DENND4C: variants seen among roughly 807,000 people sequenced by gnomAD.
DENND4C encodes DENN domain containing 4C.
A neutral mutation model predicts 203.0 loss-of-function variants in DENND4C; 108 were observed. The ratio of observed to expected loss-of-function variants is 0.53; its 90% CI spans 0.46 to 0.62. The LOEUF is 0.62. Ranked by LOEUF, DENND4C falls within the 20% of genes least tolerant of loss-of-function variation. The pLI, the probability that DENND4C is intolerant of heterozygous loss-of-function variation, is 0.00. For missense variants in DENND4C, 2,481 were observed against 2,301.2 expected (o/e 1.08, Z -1.60); for synonymous variants, 871 against 792.4 (o/e 1.10, Z -1.67).
At chr9:19,265,122 C>G (rs1830222804) in intron 1 of DENND4C, among the ~76,000 whole-genome samples, 1 of 152,126 alleles carries the variant, frequency 6.6e-6, no homozygotes, top group African/African-American at 2.4e-5. Context: ...TCAGGAGATT[C>G]TCCCACCTCA....
intron 2 of DENND4C, among the ~76,000 whole-genome samples, chr9:19,280,730 A>T (rs1174533448): frequency 6.6e-6 from 1 of 150,972 alleles, no homozygotes; most frequent in Non-Finnish European, 1.5e-5. Flanking sequence ...TGTTTTTTTT[A>T]ATATATAAAA....
Position 19,373,360 on chromosome 9 carries a change from A to G in DENND4C, c.*1187A>G, listed in dbSNP as rs1829154363. 1 of 152,658 alleles carries G rather than the reference A, an allele frequency of 6.6e-6. No individual in the cohort carries two copies. The highest frequency in any genetic ancestry group is 2.4e-5 in the African/African-American group (1 of 41,470). The allele number at this position is 152,658 out of a possible 1,614,324, so 9.5% of individuals were successfully genotyped here. A position where few individuals can be genotyped will look rare whatever the true frequency, so the allele number is the denominator to read the frequency against. ...AATCAGCTGCCTAATAATTTATGGA[A>G]TTCATTGGAATGTGCTTAAAATGCT... On this transcript the variant is annotated 3_prime_UTR_variant, in exon 33 of 33. Transcript: ENST00000434457.
intron 1 of DENND4C, among the ~76,000 whole-genome samples, chr9:19,233,354 A>G (rs1379531888): frequency 6.6e-6 from 1 of 152,194 alleles, no homozygotes; most frequent in Non-Finnish European, 1.5e-5. Flanking sequence ...TTTATCAGCT[A>G]AAATTTGGGG....
At chr9:19,305,556 C>T (rs1839484743) in intron 10 of DENND4C, 29 bp downstream of exon 10, 6 of 1,582,700 alleles carry the variant, frequency 3.8e-6, no homozygotes, top group Non-Finnish European at 3.4e-6. Flanking sequence ...TATTATCTCC[C>T]ATTTATATTT....
At chr9:19,262,108 GAC>G (rs1829528268) in intron 1 of DENND4C, among the ~76,000 whole-genome samples, 1 of 52,972 alleles carries the variant, frequency 1.9e-5, no homozygotes, top group Non-Finnish European at 3.6e-5. Flanking sequence ...TTTTTTTTGA[GAC>G]AAGTCTTGTT....
chr9:19,353,609 CAGAG>C (rs963252457), intron 26 of DENND4C, among the ~76,000 whole-genome samples: 1 of 151,200 alleles, frequency 6.6e-6, no homozygotes, highest in Admixed American at 6.6e-5. Context: ...GTCTGGGTGA[CAGAG>C]AGAGACTCTG....
intron 1 of DENND4C, among the ~76,000 whole-genome samples, chr9:19,246,300 C>G (rs1030155992): frequency 2.0e-5 from 3 of 152,108 alleles, no homozygotes; most frequent in Non-Finnish European, 4.4e-5. Context: ...TACGCTAGCT[C>G]GTCTCACTTT....
intron 5 of DENND4C, among the ~76,000 whole-genome samples, chr9:19,293,422 A>G (rs559564766): frequency 1.3e-5 from 2 of 151,866 alleles, no homozygotes; most frequent in Admixed American, 6.6e-5. Flanking sequence ...ATACAGAAGT[A>G]AGGATTGATT....
chr9:19,322,752 TAAG>T (rs1329606173), intron 12 of DENND4C, among the ~76,000 whole-genome samples: 1 of 127,010 alleles, frequency 7.9e-6, no homozygotes, highest in Non-Finnish European at 1.7e-5. Context: ...AAAAAAAAAA[TAAG>T]GGGGCCAGTG....
chr9:19,361,732 A>T lies in DENND4C; in HGVS notation c.5407-114A>T, dbSNP rs992562513. 7.7e-5 allele frequency: 44 copies of T among 573,838 alleles called. No homozygotes were observed. In the African/African-American group the frequency reaches 8.1e-4, roughly 11 times the overall value. The allele number at this position is 573,838 out of a possible 1,614,324, so 35.5% of individuals were successfully genotyped here. A position where few individuals can be genotyped will look rare whatever the true frequency, so the allele number is the denominator to read the frequency against. On this transcript the variant is annotated intron_variant, in intron 29 of 32. Transcript: ENST00000434457. Reference sequence around the variant, plus strand: ...ATAAAAATTAAAATTTTGATTCTGAATTTTAGGTCCAGAATTTTAAAAGGA... The same window carrying T: ...ATAAAAATTAAAATTTTGATTCTGATTTTTAGGTCCAGAATTTTAAAAGGA...
Position 19,235,609 on chromosome 9 carries a change from C to CTTTT in DENND4C, c.-18+4792_-18+4795dup, listed in dbSNP as rs58031665. On this transcript the variant is annotated intron_variant, in intron 1 of 32. Coordinates refer to ENST00000434457, the MANE Select transcript of DENND4C (RefSeq NM_001330640.2). ...ATCTGTTGGTTTACAGAAGAGTCAT[C>CTTTT]TTTTTTTTTTTTTTTTTTTGAGACG... Among the ~76,000 whole-genome samples, 856 of 118,894 alleles carry CTTTT rather than the reference C, an allele frequency of 7.2e-3. 26 individuals are homozygous for CTTTT. Among genetic ancestry groups the CTTTT allele is most frequent in the Admixed American group, 0.013 (137 of 10,388 alleles). 78.0% of individuals were successfully genotyped at this position (118,894 alleles called of 152,430 possible). A position where few individuals can be genotyped will look rare whatever the true frequency, so the allele number is the denominator to read the frequency against.
At chr9:19,293,361 G>A (rs1263495457) in intron 5 of DENND4C, among the ~76,000 whole-genome samples, 1 of 152,178 alleles carries the variant, frequency 6.6e-6, no homozygotes, top group African/African-American at 2.4e-5. Flanking sequence ...GGAATATTGT[G>A]TGTATAAAGG....
At chr9:19,245,855 CAA>C (rs60726607) in intron 1 of DENND4C, among the ~76,000 whole-genome samples, 11,111 of 137,184 alleles carry the variant, frequency 0.081, 497 homozygotes, top group South Asian at 0.17. Context: ...GACTCCGTCT[CAA>C]AAAAAAAAAA....
chr9:19,276,166 G>A lies in DENND4C; in HGVS notation c.-9G>A, dbSNP rs1237453424. 8 of 1,231,028 alleles carry A rather than the reference G, an allele frequency of 6.5e-6. No individual in the cohort carries two copies. Among genetic ancestry groups the A allele is most frequent in the Non-Finnish European group, 7.1e-6 (7 of 987,126 alleles). The allele number at this position is 1,231,028 out of a possible 1,614,324, so 76.3% of individuals were successfully genotyped here. On this transcript the variant is annotated 5_prime_UTR_variant, in exon 2 of 33. Coordinates refer to ENST00000434457, the MANE Select transcript of DENND4C (RefSeq NM_001330640.2). ...TCCCCTCCCTCTTCTAGAAAATACA[G>A]TAGCAGCCATGATAGAAGACAAAGG...
At chr9:19,238,465 T>TC (rs1271017436) in intron 1 of DENND4C, among the ~76,000 whole-genome samples, 1 of 14,054 alleles carries the variant, frequency 7.1e-5, no homozygotes, top group African/African-American at 3.2e-4. Flanking sequence ...TCCCCTCCCC[T>TC]CCCTCTCCCC....
intron 10 of DENND4C, among the ~76,000 whole-genome samples, chr9:19,314,181 G>GC (rs1017024121): frequency 1.3e-5 from 2 of 152,128 alleles, no homozygotes; most frequent in African/African-American, 4.8e-5. Context: ...GAGGCCAGGC[G>GC]CAGTGGCTCA....
intron 1 of DENND4C, among the ~76,000 whole-genome samples, chr9:19,267,363 C>G (rs752807576): frequency 3.3e-5 from 5 of 152,144 alleles, no homozygotes; most frequent in Non-Finnish European, 7.4e-5. Context: ...TAATGACCTT[C>G]TTTGTCTCTT....
chr9:19,349,355 CCGAGATCACACCACTGCA>C (rs1273848250), intron 23 of DENND4C, among the ~76,000 whole-genome samples: 1 of 152,094 alleles, frequency 6.6e-6, no homozygotes, highest in Non-Finnish European at 1.5e-5. Context: ...TCGCAGTGAG[CCGAGATCACACCACTGCA>C]CTCCAGCCTG....
rs1171221213 is a variant in DENND4C, at chr9:19,374,237, G to A, written c.*2064G>A. The stretch of plus-strand genomic sequence containing the variant: ...TGAACTCAAGTTTTCACTTACTGAC[G>A]CGCTTCCCATTAAAAAAAATCTGTA... On this transcript the variant is annotated 3_prime_UTR_variant, in exon 33 of 33. Coordinates refer to ENST00000434457, the MANE Select transcript of DENND4C (RefSeq NM_001330640.2). Among the ~76,000 whole-genome samples, 2 of 151,076 alleles carry A rather than the reference G, an allele frequency of 1.3e-5. No individual in the cohort carries two copies. Among genetic ancestry groups the A allele is most frequent in the African/African-American group, 2.4e-5 (1 of 41,012 alleles).
Sources: allele counts gnomAD v4.1 joint callset (sites outside exome capture counted in the v4.1 genomes callset), GRCh38; gene constraint gnomAD v4.1.1; transcripts MANE v1.5; gene names NCBI Gene and HGNC (gene_info 2026-07-23, HGNC 2026-07-21).